ARHGAP31: variants seen among roughly 807,000 people sequenced by gnomAD.
ARHGAP31 encodes the protein Rho GTPase activating protein 31, also known as rho GTPase-activating protein 31.
In ARHGAP31, 34 loss-of-function variants were observed where a neutral mutation model predicts 113.9. The observed-to-expected ratio is 0.30, with a 90% CI of 0.23 to 0.40. The LOEUF is 0.40. Ranked by LOEUF, ARHGAP31 falls within the 10% of genes least tolerant of loss-of-function variation. The pLI is 1.00. For synonymous variants in ARHGAP31, 650 were observed against 684.8 expected, an observed-to-expected ratio of 0.95 and a Z score of 0.79; for missense variants, 1,548 against 1,767.1, an observed-to-expected ratio of 0.88 and a Z score of 2.22.
chr3:119,343,199 A>C (rs1228749837), intron 1 of ARHGAP31, among the ~76,000 whole-genome samples: 4 of 152,204 alleles, frequency 2.6e-5, no homozygotes, highest in African/African-American at 9.7e-5. Context: ...TTGAGCTCCT[A>C]GTAGGTGCCA....
intron 6 of ARHGAP31, among the ~76,000 whole-genome samples, chr3:119,385,521 T>C (rs2080442110): frequency 6.6e-6 from 1 of 152,202 alleles, no homozygotes; most frequent in Non-Finnish European, 1.5e-5. Context: ...TTTTTTTCTT[T>C]TAAACTATAT....
intron 6 of ARHGAP31, among the ~76,000 whole-genome samples, chr3:119,384,434 G>A (rs114164067): frequency 2.0e-5 from 3 of 152,134 alleles, no homozygotes; most frequent in East Asian, 1.9e-4. Flanking sequence ...ACAGAATACC[G>A]TAGACTGGGT....
In ARHGAP31 at chr3:119,415,447, C is replaced by T; in HGVS notation, c.3518C>T (p.Thr1173Ile). ...QDLDIVAHAL[T>I]GRRNSAPVSV... is the part of the protein sequence containing the mutation. ...CTGGACATTGTTGCTCATGCACTGA[C>T]AGGCCGCCGTAACTCAGCTCCTGTG... is the stretch of plus-strand genomic sequence containing the variant. Residue 1173 changes from threonine (T) to isoleucine (I), a missense_variant, in exon 12 of 12, where the codon ACA (threonine) becomes ATA (isoleucine). Physicochemically the swap from Thr to Ile is moderately conservative, Grantham distance 89 (BLOSUM62 -1). Coordinates refer to ENST00000264245, the MANE Select transcript of ARHGAP31 (RefSeq NM_020754.4). The T allele has an allele frequency of 1.2e-6, 2 of 1,614,100 alleles. No individual in the cohort carries two copies. Among genetic ancestry groups the T allele is most frequent in the Middle Eastern group, 1.6e-4 (1 of 6,062 alleles).
At chr3:119,380,342 C>A (rs1164436452) in intron 3 of ARHGAP31, among the ~76,000 whole-genome samples, 1 of 152,146 alleles carries the variant, frequency 6.6e-6, no homozygotes, top group Non-Finnish European at 1.5e-5. Flanking sequence ...AATGCCCTGT[C>A]ATCTCCATCT....
intron 3 of ARHGAP31, among the ~76,000 whole-genome samples, chr3:119,377,473 C>G (rs1484360144): frequency 2.0e-5 from 3 of 152,144 alleles, no homozygotes; most frequent in Non-Finnish European, 4.4e-5. Context: ...CAAGAAGAAA[C>G]AGCAGGTACA....
intron 1 of ARHGAP31, among the ~76,000 whole-genome samples, chr3:119,336,904 G>T (rs897627170): frequency 6.6e-6 from 1 of 152,128 alleles, no homozygotes; most frequent in Non-Finnish European, 1.5e-5. Context: ...TCATATGAAC[G>T]GAATCATCTG....
At chr3:119,318,995 C>T (rs952195897) in intron 1 of ARHGAP31, among the ~76,000 whole-genome samples, 13 of 151,990 alleles carry the variant, frequency 8.6e-5, no homozygotes, top group Non-Finnish European at 1.8e-4. Context: ...ATAAGCAACG[C>T]TGCTGGTCTA....
intron 3 of ARHGAP31, among the ~76,000 whole-genome samples, chr3:119,368,802 G>A (rs2080271553): frequency 6.6e-6 from 1 of 152,192 alleles, no homozygotes; most frequent in African/African-American, 2.4e-5. Context: ...AGGAAACTGA[G>A]AACCCCAGAA....
rs756828239 is a variant in ARHGAP31 at position 119,420,139 on chromosome 3, G to A, written c.*3875G>A. ...TTCCATTCCTGCATGAAGAGATACT[G>A]GGGAGCATACAATTATTTTGTCCAG... is the stretch of plus-strand genomic sequence containing the variant. On this transcript the variant is annotated 3_prime_UTR_variant, in exon 12 of 12. Coordinates refer to ENST00000264245, the MANE Select transcript of ARHGAP31 (RefSeq NM_020754.4). 3 of 152,220 alleles carry A rather than the reference G, an allele frequency of 2.0e-5. No individual in the cohort carries two copies. Among genetic ancestry groups the A allele is most frequent in the Non-Finnish European group, 4.4e-5 (3 of 68,034 alleles). The allele number at this position is 152,220 out of a possible 1,614,324, so 9.4% of individuals were successfully genotyped here. A position where few individuals can be genotyped will look rare whatever the true frequency, so the allele number is the denominator to read the frequency against.
intron 1 of ARHGAP31, among the ~76,000 whole-genome samples, chr3:119,344,721 C>G (rs1287508331): frequency 6.6e-6 from 1 of 151,830 alleles, no homozygotes; most frequent in Non-Finnish European, 1.5e-5. Flanking sequence ...CCTCAACCTC[C>G]CCCCATCTCA....
Position 119,414,596 on chromosome 3 carries a change from C to T in ARHGAP31, c.2667C>T (p.Asp889=), listed in dbSNP as rs140312580. The T allele has an allele frequency of 7.5e-5, 121 of 1,614,188 alleles. No individual in the cohort carries two copies. In the African/African-American group the frequency reaches 1.3e-3, roughly 18 times the overall value. Residue 889 remains aspartate, a synonymous_variant, in exon 12 of 12, where the codon GAC becomes GAT. Transcript: ENST00000264245. ...THSVQEPSDC[D]EDDTVTDIAQ... ...CAGTACAGGAGCCTTCAGACTGTGA[C>T]GAAGATGACACTGTGACAGACATTG... is the stretch of plus-strand genomic sequence containing the variant.
chr3:119,396,837 AG>A (rs2080554635), intron 8 of ARHGAP31, among the ~76,000 whole-genome samples: 1 of 152,236 alleles, frequency 6.6e-6, no homozygotes, highest in African/African-American at 2.4e-5. Flanking sequence ...AATAAAGTAT[AG>A]GAAAAAATGG....
At chr3:119,337,306 G>T (rs554118154) in intron 1 of ARHGAP31, among the ~76,000 whole-genome samples, 1 of 152,166 alleles carries the variant, frequency 6.6e-6, no homozygotes, top group Non-Finnish European at 1.5e-5. Flanking sequence ...TTTGCGTTGA[G>T]TGTTACAGTT....
Position 119,416,493 on chromosome 3 carries a change from G to T in ARHGAP31, c.*229G>T. 1.7e-6 allele frequency: 1 copy of T among 597,694 alleles called. No individual in the cohort carries two copies. The highest frequency in any genetic ancestry group is 2.9e-6 in the Non-Finnish European group (1 of 343,272). 37.0% of individuals were successfully genotyped at this position (597,694 alleles called of 1,614,324 possible). A position where few individuals can be genotyped will look rare whatever the true frequency, so the allele number is the denominator to read the frequency against. On this transcript the variant is annotated 3_prime_UTR_variant, in exon 12 of 12. Coordinates refer to ENST00000264245, the MANE Select transcript of ARHGAP31 (RefSeq NM_020754.4). ...GTTAAGTCTATGTGAGCAAGTGAGA[G>T]AAGGTTAGGTAAGGGGAGAGGATGG...
intron 1 of ARHGAP31, among the ~76,000 whole-genome samples, chr3:119,321,647 C>T (rs1174992158): frequency 1.3e-5 from 2 of 150,840 alleles, no homozygotes; most frequent in Admixed American, 6.6e-5. Flanking sequence ...TTTAAGGCTC[C>T]GTAGGTTTTG....
chr3:119,300,842 A>AAAGAAAG (rs1553757925), intron 1 of ARHGAP31, among the ~76,000 whole-genome samples: 1 of 139,038 alleles, frequency 7.2e-6, no homozygotes, highest in Admixed American at 7.3e-5. Context: ...AAAAAAAAAA[A>AAAGAAAG]AAAGAAAGAA....
chr3:119,323,128 TCTGATC>T (rs1445423906), intron 1 of ARHGAP31, among the ~76,000 whole-genome samples: 2 of 152,194 alleles, frequency 1.3e-5, no homozygotes, highest in Admixed American at 6.5e-5. Context: ...CCCAGCGGTT[TCTGATC>T]CCCTTTCGGC....
chr3:119,320,893 C>A (rs932180185), intron 1 of ARHGAP31, among the ~76,000 whole-genome samples: 1 of 152,080 alleles, frequency 6.6e-6, no homozygotes, highest in Non-Finnish European at 1.5e-5. Context: ...AGGCCTTTCT[C>A]GGGCTGTTCT....
chr3:119,382,228 C>A, intron 4 of ARHGAP31, 64 bp from the exon 5 acceptor site: 1 of 1,388,950 alleles, frequency 7.2e-7, no homozygotes, highest in Non-Finnish European at 1.0e-6. Context: ...GAAATTATCT[C>A]CATATGTCAG....
Sources: gnomAD v4.1 joint callset for allele counts (sites outside exome capture counted in the v4.1 genomes callset) on GRCh38, gnomAD v4.1.1 for gene constraint, MANE v1.5 for transcripts, NCBI Gene and HGNC (gene_info 2026-07-23, HGNC 2026-07-21) for gene names.